Variants in MAP3K20 observed in about 807,000 individuals in gnomAD.
The protein encoded by MAP3K20 is mitogen-activated protein kinase kinase kinase 20.
A neutral mutation model predicts 85.7 loss-of-function variants in MAP3K20; 40 were observed. That is an observed-to-expected ratio of 0.47 (90% CI 0.36 to 0.61). The LOEUF (loss-of-function observed/expected upper bound fraction) is 0.61. Among genes scored for constraint, MAP3K20 ranks in the 20% least tolerant of loss-of-function variants. The pLI is 0.00. For missense variants in MAP3K20, 817 were observed against 961.7 expected, an observed-to-expected ratio of 0.85 and a Z score of 1.99; for synonymous variants, 325 against 327.7, an observed-to-expected ratio of 0.99 and a Z score of 0.09.
At chr2:173,178,924 A>G (rs1690245424) in intron 3 of MAP3K20, among the ~76,000 whole-genome samples, 1 of 152,326 alleles carries the variant, frequency 6.6e-6, no homozygotes, top group East Asian at 1.9e-4. Flanking sequence ...CCAGCCACCC[A>G]TAAAGAAGAT....
At chr2:173,210,213 T>C (rs1368625051) in intron 10 of MAP3K20, 1 of 213,556 alleles carries the variant, frequency 4.7e-6, no homozygotes, top group Non-Finnish European at 9.5e-6. Flanking sequence ...ATTAGCCAGG[T>C]GTGGTGGCAC....
At chr2:173,227,124 G>A (rs1230015582) in intron 11 of MAP3K20, 1 of 985,658 alleles carries the variant, frequency 1.0e-6, no homozygotes, top group Admixed American at 6.2e-5. Context: ...ACTCCATTTT[G>A]CAATAAACGT....
intron 14 of MAP3K20, among the ~76,000 whole-genome samples, chr2:173,233,258 A>G (rs985861438): frequency 6.6e-6 from 1 of 152,212 alleles, no homozygotes; most frequent in South Asian, 2.1e-4. Flanking sequence ...ACCTAAGCCA[A>G]TGCAGTAACC....
rs567075245 is a variant in MAP3K20 at position 173,231,837 on chromosome 2, G to C, written c.1033-355G>C. Among the ~76,000 whole-genome samples the C allele has an allele frequency of 3.5e-4, 54 of 152,306 alleles. 1 individual carries two copies. Among genetic ancestry groups the C allele is most frequent in the African/African-American group, 1.3e-3 (53 of 41,564 alleles). On this transcript the variant is annotated intron_variant, in intron 12 of 19. Transcript: ENST00000375213. ...TCTGTCCACTGCTGTGTGGTCCCTG[G>C]AACTCATACAATTCCTGAGTAAACT...
At chr2:173,145,267 T>C (rs1400960331) in intron 2 of MAP3K20, among the ~76,000 whole-genome samples, 1 of 151,808 alleles carries the variant, frequency 6.6e-6, no homozygotes, top group Non-Finnish European at 1.5e-5. Flanking sequence ...AAAAAAAAAT[T>C]GGTAACTAGA....
intron 2 of MAP3K20, among the ~76,000 whole-genome samples, chr2:173,133,303 C>T (rs1229167035): frequency 6.6e-6 from 1 of 152,118 alleles, no homozygotes; most frequent in East Asian, 1.9e-4. Flanking sequence ...AGACGATGCA[C>T]AGTTTGGAAA....
intron 2 of MAP3K20, among the ~76,000 whole-genome samples, chr2:173,138,488 C>G (rs1312170926): frequency 6.6e-6 from 1 of 152,144 alleles, no homozygotes; most frequent in African/African-American, 2.4e-5. Context: ...TGGGTTTTCA[C>G]ATAATTGTGA....
chr2:173,090,481 G>GTC (rs1553562741), intron 1 of MAP3K20: 10 of 72,780 alleles, frequency 1.4e-4, no homozygotes, highest in Non-Finnish European at 1.6e-4. Flanking sequence ...TGTTTTTGGA[G>GTC]TCAACGTTTA....
chr2:173,248,014 A>T (rs766826329), intron 16 of MAP3K20, among the ~76,000 whole-genome samples: 1 of 152,214 alleles, frequency 6.6e-6, no homozygotes, highest in Admixed American at 6.5e-5. Flanking sequence ...AAGTCATTAC[A>T]TGTGCAGGAC....
intron 2 of MAP3K20, among the ~76,000 whole-genome samples, chr2:173,129,496 A>G (rs1688546270): frequency 6.6e-6 from 1 of 152,198 alleles, no homozygotes; most frequent in Non-Finnish European, 1.5e-5. Context: ...TGATACCAAA[A>G]GAAACATGCA....
intron 19 of MAP3K20, among the ~76,000 whole-genome samples, chr2:173,265,319 G>T (rs1685394970): frequency 6.6e-6 from 1 of 152,264 alleles, no homozygotes; most frequent in South Asian, 2.1e-4. Flanking sequence ...GATCTCAGGT[G>T]TGAGGAACTT....
intron 8 of MAP3K20, among the ~76,000 whole-genome samples, chr2:173,202,678 C>T (rs1691109944): frequency 1.3e-5 from 2 of 152,144 alleles, no homozygotes; most frequent in African/African-American, 4.8e-5. Flanking sequence ...AATGCTCAAG[C>T]ATGACCACAC....
At chr2:173,145,292 A>G (rs1359608311) in intron 2 of MAP3K20, among the ~76,000 whole-genome samples, 1 of 152,152 alleles carries the variant, frequency 6.6e-6, no homozygotes, top group Non-Finnish European at 1.5e-5. Flanking sequence ...CATCAAATCC[A>G]AACTCTGTGC....
At chr2:173,253,544 T>C (rs1685089798) in intron 16 of MAP3K20, among the ~76,000 whole-genome samples, 1 of 152,298 alleles carries the variant, frequency 6.6e-6, no homozygotes, top group Middle Eastern at 3.4e-3. Context: ...CTGTTTCCAT[T>C]TTAATAGGAA....
chr2:173,090,988 C>T lies in MAP3K20; in HGVS notation c.-34-10C>T. On this transcript the variant is annotated splice_polypyrimidine_tract_variant and intron_variant, in intron 1 of 19. Transcript: ENST00000375213. ...TGTAATTCAGCTTTTCTTTTTCTTT[C>T]TTTCTGCAGATTTTGTGGAAGTATA... The T allele has an allele frequency of 6.4e-7, 1 of 1,562,314 alleles. No homozygotes were observed. The highest frequency in any genetic ancestry group is 8.7e-7 in the Non-Finnish European group (1 of 1,155,826).
chr2:173,204,743 A>AT (rs1683610187), intron 9 of MAP3K20, among the ~76,000 whole-genome samples: 3 of 152,220 alleles, frequency 2.0e-5, no homozygotes, highest in Admixed American at 2.0e-4. Flanking sequence ...GAGTGATAAT[A>AT]TATAGAGGTT....
At chr2:173,182,119 GAT>G (rs1299446575) in intron 3 of MAP3K20, among the ~76,000 whole-genome samples, 1 of 152,102 alleles carries the variant, frequency 6.6e-6, no homozygotes, top group Non-Finnish European at 1.5e-5. Flanking sequence ...CTAAGGGAAT[GAT>G]GTCAGACACA....
intron 17 of MAP3K20, 98 bp from the exon 18 acceptor site, chr2:173,260,964 AT>A: frequency 1.0e-6 from 1 of 982,334 alleles, no homozygotes; most frequent in African/African-American, 1.6e-5. Context: ...TTATGCCCCT[AT>A]TTGCTAATTG....
intron 1 of MAP3K20, among the ~76,000 whole-genome samples, chr2:173,088,264 A>G (rs1435749609): frequency 1.3e-5 from 2 of 152,196 alleles, no homozygotes; most frequent in African/African-American, 4.8e-5. Flanking sequence ...TGAATCCTAC[A>G]TGGCACTGCT....
Sources: allele counts gnomAD v4.1 joint callset (sites outside exome capture counted in the v4.1 genomes callset), GRCh38; gene constraint gnomAD v4.1.1; transcripts MANE v1.5; gene names NCBI Gene and HGNC (gene_info 2026-07-23, HGNC 2026-07-21).